The following EIF3L variants were observed in gnomAD, a reference collection of about 807,000 sequenced individuals.
EIF3L encodes eIEF associated protein HSPC021.
In EIF3L, 32 loss-of-function variants were observed where a neutral mutation model predicts 74.6. That is an observed-to-expected ratio of 0.43 (90% confidence interval 0.32 to 0.58). The LOEUF is 0.58. EIF3L is among the 20% of genes least tolerant of loss of function. The pLI is 0.06. For synonymous variants in EIF3L, 256 were observed against 254.4 expected (o/e 1.01, Z -0.06); for missense variants, 474 against 707.8 (o/e 0.67, Z 3.75).
chr22:37,861,769 T>C (rs917623233), intron 5 of EIF3L, among the ~76,000 whole-genome samples: 2 of 152,212 alleles, frequency 1.3e-5, no homozygotes, highest in Admixed American at 6.5e-5. Flanking sequence ...CTAGCCATTA[T>C]GTGTACACTG....
At chr22:37,879,523 CT>C (rs1926936498) in intron 11 of EIF3L, 1 of 152,052 alleles carries the variant, frequency 6.6e-6, no homozygotes, top group African/African-American at 2.4e-5. Flanking sequence ...CACCAGATAT[CT>C]GGAGGAAGAG....
chr22:37,885,731 C>T (rs1486406768), intron 11 of EIF3L: 1 of 150,954 alleles, frequency 6.6e-6, no homozygotes, highest in South Asian at 2.1e-4. Context: ...GCAACCTCTC[C>T]CTCCTGGGAT....
intron 5 of EIF3L, among the ~76,000 whole-genome samples, chr22:37,859,374 C>CTTTTGTTTTTTTTTTTTTT (rs1925719891): frequency 1.3e-5 from 1 of 79,162 alleles, no homozygotes; most frequent in Non-Finnish European, 2.2e-5. Context: ...CGTGAAGTTT[C>CTTTTGTTTTTTTTTTTTTT]TTTTTTTTTT....
chr22:37,888,479 A>T lies in EIF3L; in HGVS notation c.*15A>T. ...AGAGACCTTGATGATATTCACACAC[A>T]TTCAGGAACCTGTTTTGATGTATTA... On this transcript the variant is annotated 3_prime_UTR_variant, in exon 13 of 13. Transcript: ENST00000652021. The T allele has an allele frequency of 6.2e-7, 1 of 1,613,198 alleles. No individual in the cohort carries two copies.
At chr22:37,857,323 T>C (rs1925573301) in intron 4 of EIF3L, among the ~76,000 whole-genome samples, 2 of 141,910 alleles carry the variant, frequency 1.4e-5, no homozygotes, top group Non-Finnish European at 3.0e-5. Context: ...TGAGCTGAGA[T>C]TGCGCCACTG....
Position 37,855,566 on chromosome 22 carries a change from T to C in EIF3L, c.295T>C (p.Trp99Arg). ...YEIQDIYENS[W>R]TKLTERFFKN... ...AGAGATTTTTTTCTTGATTTTTAGC[T>C]GGACCAAGCTGACTGAAAGATTCTT... Residue 99 changes from tryptophan to arginine, a missense_variant and splice_region_variant, in exon 4 of 13, where the codon TGG becomes CGG. Trp to Arg is a moderately radical substitution (Grantham distance 101). This residue lies in a region of EIF3L where 141 missense variants were observed against 197.7 expected (regional missense o/e 0.71). Transcript: ENST00000652021. 1.2e-6 allele frequency: 2 copies of C among 1,613,976 alleles called. No individual in the cohort carries two copies. Among genetic ancestry groups the C allele is most frequent in the African/African-American group, 1.3e-5 (1 of 75,052 alleles).
intron 1 of EIF3L, 29 bp from the exon 2 acceptor site, chr22:37,849,986 T>C (rs1165705429): frequency 6.2e-7 from 1 of 1,613,352 alleles, no homozygotes; most frequent in Admixed American, 1.7e-5. Flanking sequence ...ACTTGGCGGC[T>C]GTCCTTGACT....
chr22:37,868,796 CTGT>C (rs1489065715), intron 7 of EIF3L, among the ~76,000 whole-genome samples: 104 of 151,810 alleles, frequency 6.9e-4, no homozygotes, highest in Non-Finnish European at 1.1e-3. Flanking sequence ...GCATGTATCA[CTGT>C]ACCTGGCTAG....
chr22:37,870,116 G>A, intron 7 of EIF3L, 60 bp from the exon 8 acceptor site: 1 of 1,457,534 alleles, frequency 6.9e-7, no homozygotes, highest in Non-Finnish European at 9.3e-7. Flanking sequence ...CAGCATTGTG[G>A]ACATGGATGA....
chr22:37,881,719 G>A (rs927978661), intron 11 of EIF3L: 1 of 151,968 alleles, frequency 6.6e-6, no homozygotes, highest in Admixed American at 6.6e-5. Context: ...GTCAGCCCAG[G>A]TTTTCTAAGA....
intron 11 of EIF3L, chr22:37,879,296 C>T (rs1926922287): frequency 6.6e-6 from 1 of 152,130 alleles, no homozygotes; most frequent in East Asian, 1.9e-4. Flanking sequence ...GTCAAGAGAT[C>T]AAGACCATCC....
intron 12 of EIF3L, chr22:37,888,222 G>T (rs1927420678): frequency 3.7e-6 from 2 of 544,302 alleles, no homozygotes; most frequent in Non-Finnish European, 6.5e-6. Context: ...GAGTGTGAAG[G>T]GCAGATAAAA....
At chr22:37,878,811 C>G (rs934798765) in intron 11 of EIF3L, 3 of 152,228 alleles carry the variant, frequency 2.0e-5, no homozygotes, top group African/African-American at 7.2e-5. Flanking sequence ...TTGCCAAGCA[C>G]TGCAGAGTAA....
intron 3 of EIF3L, among the ~76,000 whole-genome samples, chr22:37,853,885 T>C (rs898942977): frequency 6.6e-6 from 1 of 152,216 alleles, no homozygotes; most frequent in Non-Finnish European, 1.5e-5. Flanking sequence ...AGTAGAGTAA[T>C]TCCAAATAGA....
rs530757946 is a variant in EIF3L at position 37,868,313 on chromosome 22, C to T, written c.580-1863C>T. ...TTTTTTTTTGCATTTTTAGTAGAGA[C>T]GGGGTTTCACCATGTTGGCCAGGCT... On this transcript the variant is annotated intron_variant, in intron 7 of 12. Coordinates refer to ENST00000652021, the MANE Select transcript of EIF3L (RefSeq NM_016091.4). Among the ~76,000 whole-genome samples the T allele has an allele frequency of 1.3e-3, 194 of 148,674 alleles. 1 individual carries two copies. The highest frequency in any genetic ancestry group is 4.5e-3 in the African/African-American group (180 of 40,370).
intron 7 of EIF3L, among the ~76,000 whole-genome samples, chr22:37,867,813 G>A (rs915118326): frequency 1.2e-4 from 18 of 151,716 alleles, no homozygotes; most frequent in Non-Finnish European, 2.4e-4. Flanking sequence ...AAATTTGCCA[G>A]GCATGGTGGT....
chr22:37,857,365 G>A (rs1197035959), intron 4 of EIF3L, among the ~76,000 whole-genome samples: 2 of 54,334 alleles, frequency 3.7e-5, no homozygotes, highest in Admixed American at 2.5e-4. Flanking sequence ...GCAAGACTGC[G>A]TCCCAAAAAA....
intron 7 of EIF3L, among the ~76,000 whole-genome samples, chr22:37,866,321 G>C (rs549834611): frequency 6.6e-6 from 1 of 152,156 alleles, no homozygotes. Context: ...CTCTGATGAT[G>C]AACCTTTGGG....
chr22:37,858,855 G>T, intron 5 of EIF3L, 115 bp downstream of exon 5: 1 of 972,282 alleles, frequency 1.0e-6, no homozygotes, highest in Non-Finnish European at 1.5e-6. Flanking sequence ...GGGCATGATT[G>T]GCATGTTTTT....
Sources: allele counts gnomAD v4.1 joint callset (sites outside exome capture counted in the v4.1 genomes callset), GRCh38; gene constraint gnomAD v4.1.1; regional missense constraint gnomAD v4.1.1; transcripts MANE v1.5; gene names NCBI Gene and HGNC (gene_info 2026-07-23, HGNC 2026-07-21).